The following LAMA2 variants were observed in gnomAD, a reference collection of about 807,000 sequenced individuals.
LAMA2 encodes laminin subunit alpha-2.
LAMA2 carries 269 observed loss-of-function variants against 364.8 expected under a neutral mutation model. The ratio of observed to expected loss-of-function variants is 0.74; its 90% CI spans 0.67 to 0.82. The LOEUF (loss-of-function observed/expected upper bound fraction) is 0.82. Among genes scored for constraint, LAMA2 ranks in the 40% least tolerant of loss-of-function variants. The probability of loss-of-function intolerance (pLI) is 0.00; values close to 1 mark genes in which losing one functional copy is unlikely to be tolerated. For synonymous variants in LAMA2, 1,379 were observed against 1,370.6 expected (o/e 1.01, Z -0.14); for missense variants, 3,807 against 3,873.2 (o/e 0.98, Z 0.45).
At chr6:129,383,008 C>A in intron 34 of LAMA2, 114 bp from the exon 35 acceptor site, 1 of 782,510 alleles carries the variant, frequency 1.3e-6, no homozygotes, top group Non-Finnish European at 2.2e-6. Flanking sequence ...AATAATTCAT[C>A]GATTGCCGTT....
At chr6:129,205,774 C>CAGGCGT (rs1782601599) in intron 12 of LAMA2, among the ~76,000 whole-genome samples, 1 of 151,954 alleles carries the variant, frequency 6.6e-6, no homozygotes, top group African/African-American at 2.4e-5. Flanking sequence ...CCTGTAATCC[C>CAGGCGT]AACACTTTTG....
chr6:129,237,371 C>G (rs762807086), intron 12 of LAMA2, among the ~76,000 whole-genome samples: 1 of 152,076 alleles, frequency 6.6e-6, no homozygotes. Flanking sequence ...GAGTCTTGCT[C>G]TATCACCCAG....
intron 4 of LAMA2, among the ~76,000 whole-genome samples, chr6:129,143,662 A>G (rs1014807395): frequency 6.6e-5 from 10 of 152,044 alleles, no homozygotes; most frequent in Admixed American, 6.6e-5. Flanking sequence ...AAATATAGGT[A>G]GTTGAAGTAT....
intron 12 of LAMA2, among the ~76,000 whole-genome samples, chr6:129,221,385 C>G (rs7762690): frequency 7.2e-6 from 1 of 138,934 alleles, no homozygotes; most frequent in Non-Finnish European, 1.6e-5. Context: ...AAGGAAAGGC[C>G]AAACTGCCTG....
At chr6:129,023,949 G>C (rs752651872) in intron 1 of LAMA2, among the ~76,000 whole-genome samples, 3 of 151,822 alleles carry the variant, frequency 2.0e-5, no homozygotes, top group Non-Finnish European at 4.4e-5. Context: ...GTTTTGGTTT[G>C]GTTTTAGAGA....
intron 18 of LAMA2, among the ~76,000 whole-genome samples, chr6:129,281,918 TTAGA>T (rs754331141): frequency 2.6e-5 from 4 of 152,260 alleles, no homozygotes; most frequent in Middle Eastern, 3.4e-3. Flanking sequence ...AAAGAACACC[TTAGA>T]TAGATCTAAA....
intron 9 of LAMA2, among the ~76,000 whole-genome samples, chr6:129,172,978 CT>C (rs1226504195): frequency 1.3e-5 from 2 of 152,066 alleles, no homozygotes; most frequent in African/African-American, 4.8e-5. Context: ...GGAAAGGGAA[CT>C]CCCTGACCCC....
At chr6:129,187,117 A>T (rs1781272064) in intron 10 of LAMA2, among the ~76,000 whole-genome samples, 1 of 151,844 alleles carries the variant, frequency 6.6e-6, no homozygotes, top group African/African-American at 2.4e-5. Context: ...AAAAACTTTA[A>T]GTGCTAGAAT....
chr6:129,455,450 T>C (rs1782910267), intron 47 of LAMA2, among the ~76,000 whole-genome samples: 1 of 152,146 alleles, frequency 6.6e-6, no homozygotes, highest in African/African-American at 2.4e-5. Context: ...AGATACATTC[T>C]GTTAAAGAAG....
chr6:129,116,196 T>A (rs1005036678), intron 4 of LAMA2, among the ~76,000 whole-genome samples: 4 of 152,152 alleles, frequency 2.6e-5, no homozygotes, highest in African/African-American at 9.7e-5. Context: ...AATACAATTT[T>A]AAGCAAAGTT....
intron 16 of LAMA2, among the ~76,000 whole-genome samples, chr6:129,269,677 C>T (rs1787784586): frequency 6.6e-6 from 1 of 151,820 alleles, no homozygotes; most frequent in South Asian, 2.1e-4. Context: ...AGATAACATG[C>T]AAATAATTTT....
At position 129,514,532 on chromosome 6, in the gene LAMA2, A is replaced by C. The variant is rs1786874504; in HGVS notation, c.9148A>C (p.Ser3050Arg). The stretch of plus-strand genomic sequence containing the variant: ...CGATGGGAACCAGGTGGAAGCCCAA[A>C]GCCCAAACCCAGCATCTACATCAGC... ...TVDGNQVEAQSPNPASTSADT... is the reference protein window; with the variant it reads ...TVDGNQVEAQRPNPASTSADT... The change falls in exon 64 of 65, where the codon AGC (serine) becomes CGC (arginine). Residue 3050 changes from serine (S) to arginine (R), a missense_variant. Ser to Arg is a moderately radical substitution (Grantham distance 110). Transcript: ENST00000421865. The C allele has an allele frequency of 6.2e-7, 1 of 1,614,204 alleles. No homozygotes were observed. The highest frequency in any genetic ancestry group is 1.7e-5 in the Admixed American group (1 of 60,030).
At chr6:128,944,673 A>G (rs528822150) in intron 1 of LAMA2, among the ~76,000 whole-genome samples, 1 of 151,926 alleles carries the variant, frequency 6.6e-6, no homozygotes, top group Non-Finnish European at 1.5e-5. Flanking sequence ...AGAAAAGACG[A>G]TTAAGTGGTT....
chr6:129,363,434 G>A (rs1281545425), intron 32 of LAMA2, among the ~76,000 whole-genome samples: 4 of 151,816 alleles, frequency 2.6e-5, no homozygotes, highest in Non-Finnish European at 5.9e-5. Context: ...TGATTCCAAT[G>A]GGCAGCCAAA....
At chr6:129,442,665 C>T (rs180913429) in intron 43 of LAMA2, 4 of 263,244 alleles carry the variant, frequency 1.5e-5, no homozygotes, top group African/African-American at 9.3e-5. Flanking sequence ...TTTTCCTGAC[C>T]CTCTCCCTCC....
intron 15 of LAMA2, among the ~76,000 whole-genome samples, chr6:129,265,702 C>T (rs1460376347): frequency 6.8e-6 from 1 of 147,574 alleles, no homozygotes; most frequent in Non-Finnish European, 1.5e-5. Flanking sequence ...ACATTATACA[C>T]TGGGGCCTGT....
intron 1 of LAMA2, among the ~76,000 whole-genome samples, chr6:128,886,295 TA>T (rs556222445): frequency 0.068 from 9,938 of 146,444 alleles, 959 homozygotes; most frequent in African/African-American, 0.21. Flanking sequence ...ATCCACATGT[TA>T]AAAAAAAAAA....
chr6:129,134,497 C>A (rs1370234339), intron 4 of LAMA2, among the ~76,000 whole-genome samples: 1 of 152,154 alleles, frequency 6.6e-6, no homozygotes, highest in Non-Finnish European at 1.5e-5. Context: ...CAGTCCCCAA[C>A]CTTTTTGGTA....
At chr6:128,954,237 T>G (rs1781008828) in intron 1 of LAMA2, among the ~76,000 whole-genome samples, 1 of 152,124 alleles carries the variant, frequency 6.6e-6, no homozygotes, top group Non-Finnish European at 1.5e-5. Context: ...CATAATGCTG[T>G]CTGATATTAT....
Sources: gnomAD v4.1 joint callset for allele counts (sites outside exome capture counted in the v4.1 genomes callset) on GRCh38, gnomAD v4.1.1 for gene constraint, MANE v1.5 for transcripts, NCBI Gene and HGNC (gene_info 2026-07-23, HGNC 2026-07-21) for gene names.